The following SNX20 variants were observed in gnomAD, a reference collection of about 807,000 sequenced individuals.
SNX20 encodes the protein sorting nexin-20.
Under a neutral mutation model 24.5 loss-of-function variants are expected in SNX20, and 21 were observed. The observed-to-expected ratio is 0.86, with a 90% CI of 0.61 to 1.23. SNX20 has a LOEUF of 1.23. SNX20 is among the 50% of genes most tolerant of loss of function. The pLI is 0.00. For synonymous variants in SNX20, 206 were observed against 192.8 expected (o/e 1.07, Z -0.57); for missense variants, 433 against 430.8 (o/e 1.00, Z -0.04).
downstream of SNX20, chr16:50,667,967 C>G: frequency 6.5e-7 from 1 of 1,536,752 alleles, no homozygotes; most frequent in Non-Finnish European, 8.8e-7. Context: ...ACTGCGGCTT[C>G]AGGCTTCGAC....
chr16:50,677,114 C>T (rs1291364882), intron 2 of SNX20, among the ~76,000 whole-genome samples: 1 of 152,220 alleles, frequency 6.6e-6, no homozygotes, highest in East Asian at 1.9e-4. Context: ...AGAAGACCCC[C>T]GCTGGGGTTG....
At chr16:50,668,463 G>A (rs1962966601), downstream of SNX20, 13 of 812,402 alleles carry the variant, frequency 1.6e-5, 1 homozygote, top group South Asian at 5.1e-4. Flanking sequence ...TATTTTTGTA[G>A]CTACTTTCTA....
chr16:50,673,592 C>T lies in SNX20; in HGVS notation c.765G>A (p.Gln255=), dbSNP rs1212279495. 2 of 1,588,012 alleles carry T rather than the reference C, an allele frequency of 1.3e-6. No individual in the cohort carries two copies. Among genetic ancestry groups the T allele is most frequent in the African/African-American group, 2.7e-5 (2 of 72,784 alleles). Residue 255 remains glutamine, a synonymous_variant, in exon 4 of 4, where the codon CAG becomes CAA. Transcript: ENST00000330943. This position sits in a 1 kb window ranked among gnomAD's most constrained non-coding sequence, Gnocchi z 4.1. The stretch of plus-strand genomic sequence containing the variant: ...GATGGCCCTCCCGGGCCTGCAGGCG[C>T]TGCAGGGCCCTCTCTCCGGCCGCGA... The part of the protein sequence containing the change: ...EAFAAGERAL[Q]RLQAREGHRY...
At chr16:50,680,778 G>A (rs1457415176) in intron 1 of SNX20, among the ~76,000 whole-genome samples, 1 of 152,172 alleles carries the variant, frequency 6.6e-6, no homozygotes, top group Non-Finnish European at 1.5e-5. Flanking sequence ...CTGGTGGGGT[G>A]GGGGTGGGAT....
chr16:50,669,029 G>A, downstream of SNX20: 1 of 1,551,850 alleles, frequency 6.4e-7, no homozygotes, highest in Non-Finnish European at 8.7e-7. Flanking sequence ...GTTATTCTGT[G>A]TGTGCTGCCT....
chr16:50,669,358 C>A, downstream of SNX20: 1 of 536,002 alleles, frequency 1.9e-6, no homozygotes, highest in Non-Finnish European at 3.3e-6. Flanking sequence ...AGGGGGAGTT[C>A]GTGACTTACA....
At chr16:50,667,632 T>A (rs1240771591), downstream of SNX20, 1 of 262,712 alleles carries the variant, frequency 3.8e-6, no homozygotes, top group Non-Finnish European at 7.5e-6. Flanking sequence ...AACGAGCAGC[T>A]AGATCAAGGT....
downstream of SNX20, chr16:50,668,248 C>G: frequency 7.0e-7 from 1 of 1,425,626 alleles, no homozygotes; most frequent in African/African-American, 1.4e-5. Context: ...GAGAAACTTA[C>G]CTCCTTTTGC....
downstream of SNX20, chr16:50,667,826 A>C: frequency 1.6e-6 from 1 of 625,046 alleles, no homozygotes; most frequent in Non-Finnish European, 2.8e-6. Flanking sequence ...GCCTGGAGCT[A>C]GTGAGGGGGC....
downstream of SNX20, chr16:50,669,123 A>G: frequency 1.4e-6 from 2 of 1,457,700 alleles, no homozygotes; most frequent in East Asian, 2.5e-5. Flanking sequence ...TGGATAAGTC[A>G]TCTCTCCAGG....
chr16:50,668,877 C>G (rs1021732592), downstream of SNX20: 21 of 1,411,050 alleles, frequency 1.5e-5, no homozygotes, highest in African/African-American at 2.9e-4. Flanking sequence ...CAAGGGGTCA[C>G]AGTCCACCCT....
chr16:50,675,023 G>A (rs1963151057), intron 3 of SNX20, among the ~76,000 whole-genome samples: 1 of 152,196 alleles, frequency 6.6e-6, no homozygotes, highest in Non-Finnish European at 1.5e-5. Flanking sequence ...TAGGCATAGT[G>A]CCTACCTCAC....
At chr16:50,674,759 A>G (rs1963145388) in intron 3 of SNX20, among the ~76,000 whole-genome samples, 1 of 152,250 alleles carries the variant, frequency 6.6e-6, no homozygotes. Context: ...AATTAGTTTT[A>G]CGTACAATAT....
At chr16:50,667,865 C>A, downstream of SNX20, 1 of 754,796 alleles carries the variant, frequency 1.3e-6, no homozygotes, top group Admixed American at 2.3e-5. Context: ...GATGAGGGCT[C>A]GGCGTGGGGA....
In SNX20 at chr16:50,675,844, G is replaced by C. The variant is rs199868867; in HGVS notation, c.208C>G (p.Arg70Gly). Reference sequence around the variant, plus strand: ...AAGAGCAGTTTGACGTGCTTCCAGCGGCATTTCTGGTTCTGCCAGTACTGC... The same window carrying C: ...AAGAGCAGTTTGACGTGCTTCCAGCCGCATTTCTGGTTCTGCCAGTACTGC... ...LQQYWQNQKC[R>G]WKHVKLLFEI... is the part of the protein sequence containing the mutation. Residue 70 changes from arginine (R) to glycine (G), a missense_variant, in exon 3 of 4, where the codon CGC (arginine) becomes GGC (glycine). By Grantham distance (125) the Arg-to-Gly change is moderately radical. Coordinates refer to ENST00000330943, the MANE Select transcript of SNX20 (RefSeq NM_182854.4). 1 of 1,613,454 alleles carries C rather than the reference G, an allele frequency of 6.2e-7. No homozygotes were observed. The highest frequency in any genetic ancestry group is 8.5e-7 in the Non-Finnish European group (1 of 1,179,812).
chr16:50,667,981 C>T (rs1002481990), downstream of SNX20: 1 of 1,548,640 alleles, frequency 6.5e-7, no homozygotes, highest in East Asian at 2.4e-5. Flanking sequence ...CTTCGACCAG[C>T]CCAGAACGCT....
Position 50,675,767 on chromosome 16 carries a change from T to A in SNX20, c.282+3A>T, listed in dbSNP as rs777006495. 2.5e-6 allele frequency: 4 copies of A among 1,612,572 alleles called. No individual in the cohort carries two copies. In the South Asian group the frequency reaches 4.4e-5, roughly 18 times the overall value. ...GCTCCACCATTTCCCAATCTCTGCT[T>A]ACCACAAACTTAGAGACTTTTCTCT... On this transcript the variant is annotated splice_donor_region_variant and intron_variant, in intron 3 of 3. Coordinates refer to ENST00000330943, the MANE Select transcript of SNX20 (RefSeq NM_182854.4).
rs1489168998 is a variant in SNX20 at position 50,671,994 on chromosome 16, T to G, written c.*1412A>C. On this transcript the variant is annotated 3_prime_UTR_variant, in exon 4 of 4. Transcript: ENST00000330943. The stretch of plus-strand genomic sequence containing the variant: ...GACTCATTAATTCACCCTAATAAGC[T>G]CATCCAGGCAGTTTAGGTCTTCAGG... 2 of 152,234 alleles carry G rather than the reference T, an allele frequency of 1.3e-5. No individual in the cohort carries two copies. Among genetic ancestry groups the G allele is most frequent in the Non-Finnish European group, 2.9e-5 (2 of 68,054 alleles). 9.4% of individuals were successfully genotyped at this position (152,234 alleles called of 1,614,324 possible).
chr16:50,679,116 G>A (rs994521950), intron 1 of SNX20, among the ~76,000 whole-genome samples: 1 of 152,196 alleles, frequency 6.6e-6, no homozygotes, highest in African/African-American at 2.4e-5. Context: ...AGGTGCAAAT[G>A]ACCTGAGGAA....
Sources: gnomAD v4.1 joint callset for allele counts (sites outside exome capture counted in the v4.1 genomes callset) on GRCh38, gnomAD v4.1.1 for gene constraint, Gnocchi (gnomAD v3.1) non-coding constraint, MANE v1.5 for transcripts, NCBI Gene and HGNC (gene_info 2026-07-23, HGNC 2026-07-21) for gene names.